Variants in ARHGAP17 observed in about 807,000 individuals in gnomAD.
ARHGAP17 encodes Rho GTPase activating protein 17, also known as rho GTPase-activating protein 17.
In ARHGAP17, 57 loss-of-function variants were observed where a neutral mutation model predicts 99.5. The ratio of observed to expected loss-of-function variants is 0.57; its 90% CI spans 0.46 to 0.71. The LOEUF is 0.71. ARHGAP17 is among the 30% of genes least tolerant of loss of function. The probability of loss-of-function intolerance (pLI) is 0.00; values close to 1 mark genes in which losing one functional copy is unlikely to be tolerated. For synonymous variants in ARHGAP17, 417 were observed against 429.6 expected (o/e 0.97, Z 0.36); for missense variants, 1,000 against 1,122.4 (o/e 0.89, Z 1.56).
At position 24,947,606 on chromosome 16, in the gene ARHGAP17, A is replaced by C. The variant is rs1464724332; in HGVS notation, c.1128-11T>G. On this transcript the variant is annotated splice_polypyrimidine_tract_variant and intron_variant, in intron 13 of 19. Coordinates refer to ENST00000289968, the MANE Select transcript of ARHGAP17 (RefSeq NM_001006634.3). The stretch of plus-strand genomic sequence containing the variant: ...AACTTGATCAAATATCTAGGGGTCA[A>C]AAGAGAAGGGGAGGGTTTCTCCTCT... 1 of 1,601,026 alleles carries C rather than the reference A, an allele frequency of 6.2e-7. No homozygotes were observed. The highest frequency in any genetic ancestry group is 1.1e-5 in the South Asian group (1 of 90,950).
chr16:24,928,121 T>C (rs926025902), intron 19 of ARHGAP17, among the ~76,000 whole-genome samples: 7 of 152,194 alleles, frequency 4.6e-5, no homozygotes, highest in Non-Finnish European at 7.3e-5. Context: ...TCCAAGGAAG[T>C]TATATATTTT....
At chr16:24,985,155 G>A (rs894985069) in intron 1 of ARHGAP17, among the ~76,000 whole-genome samples, 3 of 151,746 alleles carry the variant, frequency 2.0e-5, no homozygotes, top group Admixed American at 1.3e-4. Flanking sequence ...TAGGCTAGAG[G>A]CCAGGATGCT....
At chr16:24,998,219 G>A (rs1341090994) in intron 1 of ARHGAP17, among the ~76,000 whole-genome samples, 3 of 151,986 alleles carry the variant, frequency 2.0e-5, no homozygotes, top group Non-Finnish European at 2.9e-5. Flanking sequence ...AAGCCAAGAC[G>A]CAGAGCGTGG....
At chr16:24,935,664 G>T in intron 17 of ARHGAP17, 25 bp from the exon 18 acceptor site, 1 of 1,610,840 alleles carries the variant, frequency 6.2e-7, no homozygotes. Flanking sequence ...AGTCAAGTTA[G>T]ACGTCAGACA....
At chr16:24,967,005 T>C (rs1242819522) in intron 6 of ARHGAP17, among the ~76,000 whole-genome samples, 2 of 152,216 alleles carry the variant, frequency 1.3e-5, no homozygotes, top group African/African-American at 2.4e-5. Context: ...CAAAGTCTGG[T>C]GCACACTGAG....
chr16:24,969,452 A>G (rs1177997133), intron 4 of ARHGAP17, among the ~76,000 whole-genome samples: 1 of 152,162 alleles, frequency 6.6e-6, no homozygotes, highest in African/African-American at 2.4e-5. Flanking sequence ...AAGCTGCCCA[A>G]GTCTGAATAC....
chr16:24,976,729 T>C (rs2052529512), intron 3 of ARHGAP17, among the ~76,000 whole-genome samples: 1 of 152,118 alleles, frequency 6.6e-6, no homozygotes, highest in South Asian at 2.1e-4. Flanking sequence ...CTTGCCATCA[T>C]GAGGATGCCT....
In ARHGAP17 at chr16:24,970,507, C is replaced by G; in HGVS notation, c.272G>C (p.Gly91Ala). 6.2e-7 allele frequency: 1 copy of G among 1,614,000 alleles called. No homozygotes were observed. Among genetic ancestry groups the G allele is most frequent in the Non-Finnish European group, 8.5e-7 (1 of 1,179,886 alleles). Residue 91 changes from glycine to alanine, a missense_variant and splice_region_variant, in exon 4 of 20, where the codon GGG (glycine) becomes GCG (alanine). This residue lies in a region of ARHGAP17 where 472 missense variants were observed against 611.1 expected (regional missense o/e 0.77). Transcript: ENST00000289968. ...GCACTCTGAAGGCAGCAACTCTTAC[C>G]CCAGGAGAGAGTCTTCCAGCTGAGT... Reference protein sequence around the residue: ...ASTQLEDSLLGKMLETCGDAE... With the variant: ...ASTQLEDSLLAKMLETCGDAE...
At position 24,949,454 on chromosome 16, in the gene ARHGAP17, G is replaced by A; in HGVS notation, c.1077C>T (p.Asp359=). ...SVQDQDKKLQ[D]LWRTCQKLPP... is the part of the protein sequence containing the mutation. Reference sequence around the variant, plus strand: ...GCAACTTCTGACATGTTCTCCACAAGTCTTGAAGTTTTTTGTCTTGATCCT... The same window carrying A: ...GCAACTTCTGACATGTTCTCCACAAATCTTGAAGTTTTTTGTCTTGATCCT... Residue 359 remains aspartate (D), a synonymous_variant, in exon 13 of 20, where the codon GAC becomes GAT. Transcript: ENST00000289968. 1 of 1,613,856 alleles carries A rather than the reference G, an allele frequency of 6.2e-7. No homozygotes were observed. The highest frequency in any genetic ancestry group is 8.5e-7 in the Non-Finnish European group (1 of 1,179,954).
chr16:24,951,874 G>A (rs925319547), intron 12 of ARHGAP17, among the ~76,000 whole-genome samples: 2 of 152,154 alleles, frequency 1.3e-5, no homozygotes, highest in African/African-American at 2.4e-5. Context: ...GGGTATCAAT[G>A]CCCCTAATCC....
chr16:24,985,070 T>C (rs2052817842), intron 1 of ARHGAP17, among the ~76,000 whole-genome samples: 1 of 152,178 alleles, frequency 6.6e-6, no homozygotes, highest in South Asian at 2.1e-4. Flanking sequence ...TGGAGGCAAC[T>C]GTGTCCCCAG....
At chr16:24,996,184 A>G (rs145056475) in intron 1 of ARHGAP17, among the ~76,000 whole-genome samples, 1 of 152,222 alleles carries the variant, frequency 6.6e-6, no homozygotes, top group Admixed American at 6.5e-5. Context: ...AACGTCTTAA[A>G]TCCCTCTCTG....
rs1479922913 is a variant in ARHGAP17, at chr16:24,920,545, G to A, written c.2516-285C>T. 3 of 333,362 alleles carry A rather than the reference G, an allele frequency of 9.0e-6. No homozygotes were observed. The East Asian group carries it at 2.1e-4, about 23-fold the overall frequency. 20.7% of individuals were successfully genotyped at this position (333,362 alleles called of 1,614,324 possible). ...TTTAAAGGATTTGCTTGCTTTGATGGAGGAAAGGAAGCCTCATTCTTCCCA... is the reference window on the plus strand; with the variant it reads ...TTTAAAGGATTTGCTTGCTTTGATGAAGGAAAGGAAGCCTCATTCTTCCCA... On this transcript the variant is annotated intron_variant, in intron 19 of 19. Coordinates refer to ENST00000289968, the MANE Select transcript of ARHGAP17 (RefSeq NM_001006634.3).
chr16:24,983,690 G>C (rs369115542), intron 1 of ARHGAP17, among the ~76,000 whole-genome samples: 5 of 152,216 alleles, frequency 3.3e-5, no homozygotes, highest in East Asian at 1.9e-4. Flanking sequence ...TGTGTCCAAC[G>C]TTCTGGGCTT....
At chr16:25,009,248 G>A (rs1236605144) in intron 1 of ARHGAP17, among the ~76,000 whole-genome samples, 1 of 151,874 alleles carries the variant, frequency 6.6e-6, no homozygotes, top group African/African-American at 2.4e-5. Flanking sequence ...ATGCCTGTAA[G>A]CCCAGCTACT....
intron 1 of ARHGAP17, among the ~76,000 whole-genome samples, chr16:24,985,646 TC>T: frequency 6.6e-6 from 1 of 152,294 alleles, no homozygotes; most frequent in Non-Finnish European, 1.5e-5. Flanking sequence ...TTTAATCCCA[TC>T]TCCAAACTTA....
intron 1 of ARHGAP17, among the ~76,000 whole-genome samples, chr16:24,982,982 ATATATATATATATATTTT>A (rs1402856684): frequency 1.2e-3 from 38 of 32,646 alleles, no homozygotes; most frequent in African/African-American, 5.4e-3. Flanking sequence ...ATATATATAT[ATATATATATATATATTTT>A]TTTTTTTTTT....
In ARHGAP17 at chr16:24,959,927, C is replaced by A; in HGVS notation, c.626G>T (p.Gly209Val). ...GGTGCTTACCGTAACAAAGAATTTG[C>A]CATACTCCCCTTCTTTGGCCATAAA... Reference protein sequence around the residue: ...YNFMAKEGEYGKFFVTLLEAQ... With the variant: ...YNFMAKEGEYVKFFVTLLEAQ... Residue 209 changes from glycine to valine, a missense_variant, in exon 8 of 20, where the codon GGC (glycine) becomes GTC (valine). Coordinates refer to ENST00000289968, the MANE Select transcript of ARHGAP17 (RefSeq NM_001006634.3). 6.2e-7 allele frequency: 1 copy of A among 1,614,116 alleles called. No individual in the cohort carries two copies. Among genetic ancestry groups the A allele is most frequent in the South Asian group, 1.1e-5 (1 of 91,080 alleles).
intron 6 of ARHGAP17, among the ~76,000 whole-genome samples, chr16:24,967,652 G>A (rs1446777774): frequency 3.3e-5 from 5 of 152,032 alleles, no homozygotes; most frequent in African/African-American, 9.7e-5. Context: ...TCTCCAAGCT[G>A]TGGCATGTGC....
Sources: gnomAD v4.1 joint callset for allele counts (sites outside exome capture counted in the v4.1 genomes callset) on GRCh38, gnomAD v4.1.1 for gene constraint, gnomAD v4.1.1 regional missense constraint, MANE v1.5 for transcripts, NCBI Gene and HGNC (gene_info 2026-07-23, HGNC 2026-07-21) for gene names.